PIEZO2: variants seen among roughly 807,000 people sequenced by gnomAD.
The protein encoded by PIEZO2 is piezo type mechanosensitive ion channel component 2, also known as piezo-type mechanosensitive ion channel component 2.
Under a neutral mutation model 337.3 loss-of-function variants are expected in PIEZO2, and 172 were observed. That is an observed-to-expected ratio of 0.51 (90% CI 0.45 to 0.58). PIEZO2 has a LOEUF of 0.58. Among genes scored for constraint, PIEZO2 ranks in the 20% least tolerant of loss-of-function variants. The pLI is 0.00. For synonymous variants in PIEZO2, 1,251 were observed against 1,228.5 expected (o/e 1.02, Z -0.38); for missense variants, 3,028 against 3,391.3 (o/e 0.89, Z 2.66).
chr18:11,131,902 C>A lies in PIEZO2; in HGVS notation c.64+16623G>T, dbSNP rs1318233364. 1.3e-5 allele frequency among the ~76,000 whole-genome samples: 2 copies of A among 152,178 alleles called. No homozygotes were observed. Among genetic ancestry groups the A allele is most frequent in the African/African-American group, 4.8e-5 (2 of 41,440 alleles). On this transcript the variant is annotated intron_variant, in intron 1 of 55. Coordinates refer to ENST00000674853, the MANE Select transcript of PIEZO2 (RefSeq NM_001378183.1). This position sits in a 1 kb window ranked among gnomAD's most constrained non-coding sequence, Gnocchi z 5.3. ...CCTCTTTCCCCAGCCACCCAATGGG[C>A]CCATGAACAAAGGGGCCATGGTGGC...
intron 41 of PIEZO2, among the ~76,000 whole-genome samples, chr18:10,704,931 T>C (rs2035510974): frequency 6.6e-6 from 1 of 152,294 alleles, no homozygotes; most frequent in African/African-American, 2.4e-5. Flanking sequence ...CCTCAGGTGA[T>C]CCACCCGCCT....
In PIEZO2 at chr18:10,954,404, T is replaced by A. The variant is rs933780967; in HGVS notation, c.286+25131A>T. On this transcript the variant is annotated intron_variant, in intron 3 of 55. Coordinates refer to ENST00000674853, the MANE Select transcript of PIEZO2 (RefSeq NM_001378183.1). The surrounding 1 kb of genome is among the most constrained non-coding windows in gnomAD (Gnocchi z 4.2). ...TTTTTAGATTTATATCAAAGTATTT[T>A]TTGTATTATTGTACATAACATTTTG... Among the ~76,000 whole-genome samples the A allele has an allele frequency of 6.6e-6, 1 of 152,254 alleles. No homozygotes were observed. Among genetic ancestry groups the A allele is most frequent in the Non-Finnish European group, 1.5e-5 (1 of 68,036 alleles).
chr18:10,844,650 G>C (rs191156810), intron 7 of PIEZO2, among the ~76,000 whole-genome samples: 1 of 151,712 alleles, frequency 6.6e-6, no homozygotes, highest in Non-Finnish European at 1.5e-5. Context: ...ATAGCTAGGC[G>C]TGGTGGTGGG....
At chr18:10,687,819 CA>C (rs2034616353) in intron 49 of PIEZO2, among the ~76,000 whole-genome samples, 2 of 152,304 alleles carry the variant, frequency 1.3e-5, no homozygotes, top group Middle Eastern at 3.4e-3. Context: ...GAGCCAGATG[CA>C]ACCTGCAGGT....
chr18:11,108,016 T>C (rs910398167), intron 1 of PIEZO2, among the ~76,000 whole-genome samples: 2 of 152,176 alleles, frequency 1.3e-5, no homozygotes, highest in Non-Finnish European at 2.9e-5. Flanking sequence ...AAACAAACAA[T>C]ACATAGGAAT....
chr18:10,932,264 C>T (rs1324323644), intron 3 of PIEZO2, among the ~76,000 whole-genome samples: 1 of 152,028 alleles, frequency 6.6e-6, no homozygotes, highest in East Asian at 1.9e-4. Flanking sequence ...GGTATGGTGG[C>T]ACATGCCTGT....
chr18:10,736,094 T>C (rs995741625), intron 34 of PIEZO2, among the ~76,000 whole-genome samples: 4 of 152,242 alleles, frequency 2.6e-5, no homozygotes, highest in Non-Finnish European at 5.9e-5. Context: ...AAACCAGAAC[T>C]GTGCCACATA....
At chr18:11,005,324 C>T (rs1422956854) in intron 2 of PIEZO2, among the ~76,000 whole-genome samples, 1 of 152,238 alleles carries the variant, frequency 6.6e-6, no homozygotes, top group Non-Finnish European at 1.5e-5. Context: ...TCCCACCATG[C>T]TACACTTCAT....
chr18:10,757,026 A>C (rs954994788), intron 27 of PIEZO2, among the ~76,000 whole-genome samples: 1 of 78,734 alleles, frequency 1.3e-5, no homozygotes, highest in Non-Finnish European at 2.3e-5. Context: ...ATGGAGGATA[A>C]GGAGGAATGG....
chr18:11,107,558 G>A (rs1468379676), intron 1 of PIEZO2, among the ~76,000 whole-genome samples: 1 of 152,124 alleles, frequency 6.6e-6, no homozygotes, highest in African/African-American at 2.4e-5. Context: ...TGGTTTACAG[G>A]AAAATAGTCA....
In PIEZO2 at chr18:10,676,955, T is replaced by C. The variant is rs766319528; in HGVS notation, c.8081+792A>G. Among the ~76,000 whole-genome samples the C allele has an allele frequency of 1.3e-5, 2 of 152,178 alleles. No individual in the cohort carries two copies. Among genetic ancestry groups the C allele is most frequent in the African/African-American group, 4.8e-5 (2 of 41,452 alleles). Reference sequence around the variant, plus strand: ...GGAGAATGCGATACCACTGGGCACATACTATGTTGGGCCATATGAACCCAG... The same window carrying C: ...GGAGAATGCGATACCACTGGGCACACACTATGTTGGGCCATATGAACCCAG... On this transcript the variant is annotated intron_variant, in intron 53 of 55. Coordinates refer to ENST00000674853, the MANE Select transcript of PIEZO2 (RefSeq NM_001378183.1). The surrounding 1 kb of genome is among the most constrained non-coding windows in gnomAD (Gnocchi z 5.1).
In PIEZO2 at chr18:10,684,252, A is replaced by G. The variant is rs1394867808; in HGVS notation, c.7498-1960T>C. On this transcript the variant is annotated intron_variant, in intron 49 of 55. Coordinates refer to ENST00000674853, the MANE Select transcript of PIEZO2 (RefSeq NM_001378183.1). ...GCGATCTTGGCTCACTGCAAGCTCC[A>G]CCTCCTGGGTTCACGCCATTCTCCT... 3.6e-4 allele frequency among the ~76,000 whole-genome samples: 41 copies of G among 114,080 alleles called. 1 individual carries two copies. The highest frequency in any genetic ancestry group is 8.1e-4 in the East Asian group (3 of 3,694). 74.8% of individuals were successfully genotyped at this position (114,080 alleles called of 152,430 possible). A position where few individuals can be genotyped will look rare whatever the true frequency, so the allele number is the denominator to read the frequency against.
chr18:10,770,715 TTCCCTCCCACCC>T (rs1053280420), intron 20 of PIEZO2, among the ~76,000 whole-genome samples: 13 of 149,532 alleles, frequency 8.7e-5, no homozygotes, highest in Non-Finnish European at 3.0e-5. Flanking sequence ...CCTTTTCTTT[TTCCCTCCCACCC>T]TCCCTCCCTT....
rs1271972990 is a variant in PIEZO2, at chr18:10,684,366, C to T, written c.7498-2074G>A. ...ATTTTTAGTAGAGACAGGGTTTCACCATGTTAGCCAGGGTGGTCTCAATCT... is the reference window on the plus strand; with the variant it reads ...ATTTTTAGTAGAGACAGGGTTTCACTATGTTAGCCAGGGTGGTCTCAATCT... On this transcript the variant is annotated intron_variant, in intron 49 of 55. Transcript: ENST00000674853. Among the ~76,000 whole-genome samples, 39 of 150,942 alleles carry T rather than the reference C, an allele frequency of 2.6e-4. 1 individual carries two copies. The highest frequency in any genetic ancestry group is 1.2e-4 in the African/African-American group (5 of 41,044).
chr18:10,886,418 ATATATG>A, intron 4 of PIEZO2, among the ~76,000 whole-genome samples: 1 of 61,868 alleles, frequency 1.6e-5, no homozygotes, highest in African/African-American at 9.1e-5. Context: ...ATATATATAT[ATATATG>A]TAATCTCCAG....
rs1598347043 is a variant in PIEZO2, at chr18:10,680,261, C to A, written c.7890G>T (p.Met2630Ile). ...TATTGGGGTCCAGGAGTTCGTGTAT[C>A]ATTTTCTGCTTACTGGGTGGGCTGA... ...WTISPPSKQK[M>I]IHELLDPNSS... is the part of the protein sequence containing the mutation. The change falls in exon 52 of 56, where the codon ATG becomes ATT. Residue 2630 changes from methionine to isoleucine, a missense_variant. By Grantham distance (10) the Met-to-Ile change is conservative. Transcript: ENST00000674853. The A allele has an allele frequency of 6.2e-7, 1 of 1,614,036 alleles. No individual in the cohort carries two copies. The highest frequency in any genetic ancestry group is 8.5e-7 in the Non-Finnish European group (1 of 1,179,898).
chr18:10,673,025 G>T lies in PIEZO2; in HGVS notation c.8162-152C>A, dbSNP rs796654162. The stretch of plus-strand genomic sequence containing the variant: ...ATGGACATACTAGAAGCGTGAATGG[G>T]CAAGGAAGAGAGGGCCCTGGGTATG... On this transcript the variant is annotated intron_variant, in intron 54 of 55. Transcript: ENST00000674853. This position sits in a 1 kb window ranked among gnomAD's most constrained non-coding sequence, Gnocchi z 4.8. The T allele has an allele frequency of 3.1e-6, 2 of 641,568 alleles. No individual in the cohort carries two copies. Among genetic ancestry groups the T allele is most frequent in the South Asian group, 2.1e-5 (1 of 47,734 alleles). The allele number at this position is 641,568 out of a possible 1,614,324, so 39.7% of individuals were successfully genotyped here. A position where few individuals can be genotyped will look rare whatever the true frequency, so the allele number is the denominator to read the frequency against.
chr18:10,839,042 G>A (rs79385709), intron 7 of PIEZO2, among the ~76,000 whole-genome samples: 8,852 of 152,308 alleles, frequency 0.058, 363 homozygotes, highest in Non-Finnish European at 0.084. Flanking sequence ...ACATAGAAGA[G>A]AGGGAGAGTA....
rs1287960031 is a variant in PIEZO2, at chr18:11,021,070, T to C, written c.161-41410A>G. On this transcript the variant is annotated intron_variant, in intron 2 of 55. Transcript: ENST00000674853. This position sits in a 1 kb window ranked among gnomAD's most constrained non-coding sequence, Gnocchi z 4.7. ...CATGGAGTCACTGTAGGAAGTGACTTGTCTGGAGCTAGGAAGACGGATGCA... is the reference window on the plus strand; with the variant it reads ...CATGGAGTCACTGTAGGAAGTGACTCGTCTGGAGCTAGGAAGACGGATGCA... Among the ~76,000 whole-genome samples the C allele has an allele frequency of 1.3e-5, 2 of 152,172 alleles. No individual in the cohort carries two copies. Among genetic ancestry groups the C allele is most frequent in the African/African-American group, 4.8e-5 (2 of 41,446 alleles).
Sources: allele counts gnomAD v4.1 joint callset (sites outside exome capture counted in the v4.1 genomes callset), GRCh38; gene constraint gnomAD v4.1.1; non-coding constraint Gnocchi (gnomAD v3.1); transcripts MANE v1.5; gene names NCBI Gene and HGNC (gene_info 2026-07-23, HGNC 2026-07-21).